The following KCNB2 variants were observed in gnomAD, a reference collection of about 807,000 sequenced individuals.
KCNB2 encodes potassium voltage-gated channel subfamily B member 2, also known as delayed rectifier potassium channel protein.
Under a neutral mutation model 61.5 loss-of-function variants are expected in KCNB2, and 15 were observed. The ratio of observed to expected loss-of-function variants is 0.24; its 90% confidence interval spans 0.16 to 0.38. KCNB2 has a LOEUF of 0.38. Ranked by LOEUF, KCNB2 falls within the 10% of genes least tolerant of loss-of-function variation. The probability of loss-of-function intolerance (pLI) is 1.00; values close to 1 mark genes in which losing one functional copy is unlikely to be tolerated. For missense variants in KCNB2, 828 were observed against 1,125.2 expected (o/e 0.74, Z 3.78); for synonymous variants, 457 against 446.0 (o/e 1.02, Z -0.31).
chr8:72,685,853 G>A (rs1039325836), intron 2 of KCNB2, among the ~76,000 whole-genome samples: 1 of 152,200 alleles, frequency 6.6e-6, no homozygotes, highest in African/African-American at 2.4e-5. Context: ...GCCAGGCGTG[G>A]TGGCGCATGC....
At chr8:72,719,066 GT>G (rs371563096) in intron 2 of KCNB2, among the ~76,000 whole-genome samples, 7 of 147,272 alleles carry the variant, frequency 4.8e-5, no homozygotes, top group African/African-American at 7.5e-5. Context: ...AGGCAACAGT[GT>G]TTTTTTTTTG....
chr8:72,632,265 A>G (rs1338101909), intron 2 of KCNB2, among the ~76,000 whole-genome samples: 5 of 152,106 alleles, frequency 3.3e-5, no homozygotes, highest in African/African-American at 9.7e-5. Context: ...GGAGGGGGCA[A>G]TGGAAAAAAA....
chr8:72,922,041 C>G (rs1195377098), intron 2 of KCNB2, among the ~76,000 whole-genome samples: 3 of 152,184 alleles, frequency 2.0e-5, no homozygotes, highest in African/African-American at 7.2e-5. Context: ...TCTCACAGTT[C>G]TGGAAGCTAG....
At chr8:72,546,258 G>A (rs1186685821) in intron 1 of KCNB2, among the ~76,000 whole-genome samples, 1 of 152,188 alleles carries the variant, frequency 6.6e-6, no homozygotes, top group Non-Finnish European at 1.5e-5. Context: ...GCTCACGCCT[G>A]TAATCCCAAC....
At chr8:72,767,067 T>C (rs1808471352) in intron 2 of KCNB2, among the ~76,000 whole-genome samples, 1 of 152,038 alleles carries the variant, frequency 6.6e-6, no homozygotes, top group African/African-American at 2.4e-5. Flanking sequence ...GAGAATAGCA[T>C]GGGAAAAACC....
rs548975649 is a variant in KCNB2 at position 72,871,811 on chromosome 8, C to A, written c.580-64124C>A. 3.3e-5 allele frequency among the ~76,000 whole-genome samples: 5 copies of A among 152,258 alleles called. No homozygotes were observed. The South Asian group carries it at 1.0e-3, about 32-fold the overall frequency. The stretch of plus-strand genomic sequence containing the variant: ...TTCTATTTTAAATTTACGTTGTTAC[C>A]TTTACAGCTAAAAAGTGCTTGAGAA... On this transcript the variant is annotated intron_variant, in intron 2 of 2. Transcript: ENST00000523207.
At chr8:72,586,550 G>A (rs1183966316) in intron 2 of KCNB2, among the ~76,000 whole-genome samples, 2 of 152,300 alleles carry the variant, frequency 1.3e-5, no homozygotes, top group Middle Eastern at 6.8e-3. Context: ...AGTGCAGAAG[G>A]ACATGATGTC....
At chr8:72,539,330 A>T (rs1481561221) in intron 1 of KCNB2, among the ~76,000 whole-genome samples, 1 of 152,240 alleles carries the variant, frequency 6.6e-6, no homozygotes, top group Admixed American at 6.5e-5. Context: ...GGTCCAACGT[A>T]GAAATAACTT....
At chr8:72,685,067 G>T (rs1033484974) in intron 2 of KCNB2, among the ~76,000 whole-genome samples, 1 of 152,136 alleles carries the variant, frequency 6.6e-6, no homozygotes, top group Non-Finnish European at 1.5e-5. Flanking sequence ...AGTACAACAG[G>T]ACTTCATTGC....
At chr8:72,575,484 G>T (rs1806781824) in intron 2 of KCNB2, among the ~76,000 whole-genome samples, 1 of 152,010 alleles carries the variant, frequency 6.6e-6, no homozygotes, top group Non-Finnish European at 1.5e-5. Context: ...CATATAATAT[G>T]AAACAAAATA....
intron 2 of KCNB2, among the ~76,000 whole-genome samples, chr8:72,649,903 C>T (rs1806188086): frequency 6.6e-6 from 1 of 152,154 alleles, no homozygotes; most frequent in Non-Finnish European, 1.5e-5. Flanking sequence ...TTTTGCATCT[C>T]ACTAAACAGA....
chr8:72,727,214 G>A (rs567731483), intron 2 of KCNB2, among the ~76,000 whole-genome samples: 14 of 151,874 alleles, frequency 9.2e-5, no homozygotes, highest in African/African-American at 2.7e-4. Flanking sequence ...TTTTTTATAC[G>A]TCCCCCCCAG....
At chr8:72,615,216 C>T (rs906001557) in intron 2 of KCNB2, among the ~76,000 whole-genome samples, 2 of 152,146 alleles carry the variant, frequency 1.3e-5, no homozygotes, top group African/African-American at 2.4e-5. Context: ...ATCTAGGTTC[C>T]CTTATCTCCA....
chr8:72,873,452 G>C (rs1805649324), intron 2 of KCNB2, among the ~76,000 whole-genome samples: 1 of 152,184 alleles, frequency 6.6e-6, no homozygotes, highest in Non-Finnish European at 1.5e-5. Flanking sequence ...CTTTAAGTTT[G>C]GGATTTTTCA....
At chr8:72,894,867 G>C (rs1488048612) in intron 2 of KCNB2, among the ~76,000 whole-genome samples, 1 of 152,150 alleles carries the variant, frequency 6.6e-6, no homozygotes, top group South Asian at 2.1e-4. Flanking sequence ...CAGACATGAT[G>C]GGGATAGATA....
At chr8:72,855,039 G>A (rs1810184583) in intron 2 of KCNB2, among the ~76,000 whole-genome samples, 1 of 152,158 alleles carries the variant, frequency 6.6e-6, no homozygotes, top group African/African-American at 2.4e-5. Flanking sequence ...ACACCTTTCA[G>A]CACTATTGCA....
chr8:72,904,674 TA>T (rs1465345509), intron 2 of KCNB2, among the ~76,000 whole-genome samples: 1 of 152,164 alleles, frequency 6.6e-6, no homozygotes, highest in African/African-American at 2.4e-5. Flanking sequence ...ATTTTTTTAT[TA>T]TACTTTAAGT....
intron 2 of KCNB2, among the ~76,000 whole-genome samples, chr8:72,675,532 G>C (rs1252370337): frequency 1.7e-5 from 2 of 120,930 alleles, no homozygotes; most frequent in Non-Finnish European, 3.2e-5. Flanking sequence ...TTTTTTTTTT[G>C]AGATGAGTCT....
chr8:72,740,804 T>G (rs1369346507), intron 2 of KCNB2, among the ~76,000 whole-genome samples: 1 of 152,206 alleles, frequency 6.6e-6, no homozygotes, highest in Non-Finnish European at 1.5e-5. Flanking sequence ...ATCAAGCATT[T>G]TGAAATTTAT....
Sources: allele counts gnomAD v4.1 joint callset (sites outside exome capture counted in the v4.1 genomes callset), GRCh38; gene constraint gnomAD v4.1.1; transcripts MANE v1.5; gene names NCBI Gene and HGNC (gene_info 2026-07-23, HGNC 2026-07-21).